MTNR1B: variants seen among roughly 807,000 people sequenced by gnomAD.
The protein encoded by MTNR1B is melatonin receptor 1B, also known as melatonin receptor type 1B.
A neutral mutation model predicts 7.0 loss-of-function variants in MTNR1B; 7 were observed. That is an observed-to-expected ratio of 1.00 (90% CI 0.57 to 1.88). The LOEUF (loss-of-function observed/expected upper bound fraction) is 1.88. Ranked by LOEUF, MTNR1B falls within the 40% of genes most tolerant of loss-of-function variation. The probability of loss-of-function intolerance (pLI) is 0.00; values close to 1 mark genes in which losing one functional copy is unlikely to be tolerated. For missense variants in MTNR1B, 478 were observed against 486.5 expected (o/e 0.98, Z 0.16); for synonymous variants, 226 against 208.2 (o/e 1.09, Z -0.74).
chr11:92,983,505 C>CAAG (rs1399672079), downstream of MTNR1B, among the ~76,000 whole-genome samples: 1 of 130,638 alleles, frequency 7.7e-6, no homozygotes, highest in Admixed American at 8.6e-5. Flanking sequence ...AAAGTGAGAG[C>CAAG]AAGACCCTGT....
In MTNR1B at chr11:92,972,538, G is replaced by A. The variant is rs1857947565; in HGVS notation, c.223+2590G>A. 1.8e-5 allele frequency: 8 copies of A among 456,242 alleles called. No homozygotes were observed. The Admixed American group carries it at 1.9e-4, about 11-fold the overall frequency. 28.3% of individuals were successfully genotyped at this position (456,242 alleles called of 1,614,324 possible). A position where few individuals can be genotyped will look rare whatever the true frequency, so the allele number is the denominator to read the frequency against. Reference sequence around the variant, plus strand: ...ATAGCACCAGAGAAAGGCAGACAGGGAGGAGTGGAGGCAAGGTGGGAGGTA... The same window carrying A: ...ATAGCACCAGAGAAAGGCAGACAGGAAGGAGTGGAGGCAAGGTGGGAGGTA... On this transcript the variant is annotated intron_variant, in intron 1 of 1. Transcript: ENST00000257068.
chr11:92,979,448 A>C (rs1048950123), intron 1 of MTNR1B, among the ~76,000 whole-genome samples: 8 of 152,188 alleles, frequency 5.3e-5, no homozygotes, highest in African/African-American at 1.9e-4. Context: ...GCCTTGCTGT[A>C]CCAACCAGAA....
chr11:92,981,625 C>G lies in MTNR1B; in HGVS notation c.402C>G (p.Ile134Met), dbSNP rs745896689. Reference sequence around the variant, plus strand: ...GCTCTGTCTTCAATATCACTGCCATCGCCATTAACCGCTACTGCTACATCT... The same window carrying G: ...GCTCTGTCTTCAATATCACTGCCATGGCCATTAACCGCTACTGCTACATCT... ...VIGSVFNITA[I>M]AINRYCYICH... Residue 134 changes from isoleucine (I) to methionine (M), a missense_variant, in exon 2 of 2, where the codon ATC (isoleucine) becomes ATG (methionine). Transcript: ENST00000257068. The G allele has an allele frequency of 1.2e-6, 2 of 1,614,190 alleles. No individual in the cohort carries two copies. Among genetic ancestry groups the G allele is most frequent in the Admixed American group, 1.7e-5 (1 of 60,014 alleles).
chr11:92,978,012 C>G (rs1285224038), intron 1 of MTNR1B, among the ~76,000 whole-genome samples: 1 of 152,170 alleles, frequency 6.6e-6, no homozygotes, highest in South Asian at 2.1e-4. Context: ...AAAGGCAGAA[C>G]CTAGTATATA....
intron 1 of MTNR1B, chr11:92,972,694 C>T (rs7951518): frequency 0.011 from 4,109 of 370,982 alleles, 62 homozygotes; most frequent in African/African-American, 0.042. Context: ...TTCCCAGGGA[C>T]TTGCCACACT....
intron 1 of MTNR1B, among the ~76,000 whole-genome samples, chr11:92,978,911 C>A (rs1280821405): frequency 6.6e-6 from 1 of 152,190 alleles, no homozygotes; most frequent in Admixed American, 6.5e-5. Flanking sequence ...CGGCTCCCAG[C>A]AGCTCTTGAC....
chr11:92,982,946 CCCA>C (rs1325276389), downstream of MTNR1B, among the ~76,000 whole-genome samples: 19 of 95,222 alleles, frequency 2.0e-4, no homozygotes, highest in African/African-American at 7.5e-4. Context: ...ACCCCCCCCC[CCCA>C]CACACACACA....
At chr11:92,983,190 G>A (rs1414117883), downstream of MTNR1B, among the ~76,000 whole-genome samples, 1 of 152,104 alleles carries the variant, frequency 6.6e-6, no homozygotes, top group African/African-American at 2.4e-5. Context: ...GTGGCTAGCA[G>A]GCAGTAATCA....
chr11:92,981,313 C>T, intron 1 of MTNR1B, 134 bp from the exon 2 acceptor site: 1 of 1,257,220 alleles, frequency 8.0e-7, no homozygotes, highest in Non-Finnish European at 1.1e-6. Flanking sequence ...CAATCTGAGT[C>T]TTCAGTTCTG....
Position 92,969,841 on chromosome 11 carries a change from T to C in MTNR1B, c.116T>C (p.Val39Ala). ...RPSRTPRPPWVAPALSAVLIV... is the reference protein window; with the variant it reads ...RPSRTPRPPWAAPALSAVLIV... ...TCCAGGACCCCTCGACCTCCCTGGG[T>C]GGCTCCAGCGCTGTCCGCGGTGCTC... The change falls in exon 1 of 2, where the codon GTG (valine) becomes GCG (alanine). Residue 39 changes from valine to alanine, a missense_variant. Coordinates refer to ENST00000257068, the MANE Select transcript of MTNR1B (RefSeq NM_005959.5). 1 of 1,607,642 alleles carries C rather than the reference T, an allele frequency of 6.2e-7. No individual in the cohort carries two copies.
At chr11:92,980,055 G>A (rs1204250594) in intron 1 of MTNR1B, among the ~76,000 whole-genome samples, 2 of 152,182 alleles carry the variant, frequency 1.3e-5, no homozygotes, top group East Asian at 1.9e-4. Context: ...TGCTTTGGGG[G>A]CTCTTTCCAC....
At chr11:92,979,522 A>C (rs1221980475) in intron 1 of MTNR1B, among the ~76,000 whole-genome samples, 11 of 152,218 alleles carry the variant, frequency 7.2e-5, no homozygotes, top group Admixed American at 3.3e-4. Flanking sequence ...GTAGGTAGGA[A>C]TCCAGCAGTT....
intron 1 of MTNR1B, among the ~76,000 whole-genome samples, chr11:92,979,292 C>A (rs560999905): frequency 6.6e-6 from 1 of 152,158 alleles, no homozygotes; most frequent in Non-Finnish European, 1.5e-5. Context: ...GAGAGGGAAT[C>A]CCTCATGTTC....
Position 92,969,928 on chromosome 11 carries a change from A to AC in MTNR1B, c.205dup (p.Arg69ProfsTer8). The AC allele has an allele frequency of 1.2e-6, 2 of 1,611,350 alleles. No homozygotes were observed. Among genetic ancestry groups the AC allele is most frequent in the Non-Finnish European group, 8.5e-7 (1 of 1,179,242 alleles). ...CTGGTGATCCTCTCCGTGCTCAGGA[A>AC]CCGCAAGCTCCGGAACGCAGGTGAG... On this transcript the variant is annotated frameshift_variant, in exon 1 of 2. Coordinates refer to ENST00000257068, the MANE Select transcript of MTNR1B (RefSeq NM_005959.5). LOFTEE classifies it low-confidence loss of function (END_TRUNC).
Position 92,982,084 on chromosome 11 carries a change from G to A in MTNR1B, c.861G>A (p.Glu287=), listed in dbSNP as rs1804221505. ...AAGAAATGGCTCCCCAGATCCCTGA[G>A]GGGCTATTTGTCACTAGCTACTTAC... ...NPQEMAPQIP[E]GLFVTSYLLA... Residue 287 remains glutamate (E), a synonymous_variant, in exon 2 of 2, where the codon GAG becomes GAA. Transcript: ENST00000257068. 6.2e-7 allele frequency: 1 copy of A among 1,614,114 alleles called. No homozygotes were observed.
Position 92,981,556 on chromosome 11 carries a change from G to C in MTNR1B, c.333G>C (p.Glu111Asp). The C allele has an allele frequency of 6.2e-7, 1 of 1,614,164 alleles. No individual in the cohort carries two copies. Reference sequence around the variant, plus strand: ...ATGACGGCTGGGCCCTGGGGGAGGAGCACTGCAAGGCCAGCGCCTTTGTGA... The same window carrying C: ...ATGACGGCTGGGCCCTGGGGGAGGACCACTGCAAGGCCAGCGCCTTTGTGA... The part of the protein sequence containing the change: ...IFYDGWALGE[E>D]HCKASAFVMG... The change falls in exon 2 of 2, where the codon GAG (glutamate) becomes GAC (aspartate). Residue 111 changes from glutamate to aspartate, a missense_variant. Glu to Asp is a conservative substitution (Grantham distance 45). Transcript: ENST00000257068.
intron 1 of MTNR1B, among the ~76,000 whole-genome samples, chr11:92,970,493 GA>G (rs1178683123): frequency 6.6e-6 from 1 of 152,244 alleles, no homozygotes; most frequent in Non-Finnish European, 1.5e-5. Context: ...AGTAAATGCA[GA>G]AATTGCAGAT....
Position 92,981,818 on chromosome 11 carries a change from C to T in MTNR1B, c.595C>T (p.Gln199Ter), listed in dbSNP as rs1403120194. Residue 199 changes from glutamine (Q) to a stop codon, truncating the protein, a stop_gained, in exon 2 of 2, where the codon CAG becomes TAG. Coordinates refer to ENST00000257068, the MANE Select transcript of MTNR1B (RefSeq NM_005959.5). LOFTEE classifies it low-confidence loss of function (END_TRUNC). Reference sequence around the variant, plus strand: ...CACCTTCATCCAGACCGCCAGCACCCAGTACACGGCGGCAGTGGTGGTCAT... The same window carrying T: ...CACCTTCATCCAGACCGCCAGCACCTAGTACACGGCGGCAGTGGTGGTCAT... ...SCTFIQTAST[Q>*]YTAAVVVIHF... 6.2e-7 allele frequency: 1 copy of T among 1,614,220 alleles called. No homozygotes were observed. Among genetic ancestry groups the T allele is most frequent in the African/African-American group, 1.3e-5 (1 of 75,044 alleles).
chr11:92,984,773 A>G (rs1189789732), downstream of MTNR1B: 1 of 425,476 alleles, frequency 2.4e-6, no homozygotes, highest in Admixed American at 2.7e-5. Context: ...GGCACTGACA[A>G]TCCACTAATT....
Sources: gnomAD v4.1 joint callset for allele counts (sites outside exome capture counted in the v4.1 genomes callset) on GRCh38, gnomAD v4.1.1 for gene constraint, MANE v1.5 for transcripts, NCBI Gene and HGNC (gene_info 2026-07-23, HGNC 2026-07-21) for gene names.